CNTNAP5: variants seen among roughly 807,000 people sequenced by gnomAD.
The protein encoded by CNTNAP5 is contactin associated protein family member 5.
In CNTNAP5, 72 loss-of-function variants were observed where a neutral mutation model predicts 150.2. The observed-to-expected ratio is 0.48, with a 90% CI of 0.40 to 0.58. The LOEUF is 0.58. Ranked by LOEUF, CNTNAP5 falls within the 20% of genes least tolerant of loss-of-function variation. The pLI, the probability that CNTNAP5 is intolerant of heterozygous loss-of-function variation, is 0.00. For missense variants in CNTNAP5, 1,636 were observed against 1,626.2 expected (o/e 1.01, Z -0.10); for synonymous variants, 672 against 619.8 (o/e 1.08, Z -1.25).
At chr2:124,616,772 A>G (rs776659050) in intron 12 of CNTNAP5, among the ~76,000 whole-genome samples, 10 of 152,074 alleles carry the variant, frequency 6.6e-5, no homozygotes, top group Admixed American at 3.3e-4. Flanking sequence ...TGGGGTTACT[A>G]TTTGGCCTAA....
intron 21 of CNTNAP5, among the ~76,000 whole-genome samples, chr2:124,894,216 T>TG (rs1678258309): frequency 6.7e-6 from 1 of 148,160 alleles, no homozygotes; most frequent in African/African-American, 2.7e-5. Flanking sequence ...GTAGATAATA[T>TG]TAAGTCACTG....
intron 7 of CNTNAP5, among the ~76,000 whole-genome samples, chr2:124,500,008 C>T (rs1015887188): frequency 2.0e-5 from 3 of 151,696 alleles, no homozygotes; most frequent in Admixed American, 1.3e-4. Flanking sequence ...CCAGCCTGAA[C>T]GCTGGAGAAG....
At chr2:124,271,701 C>CT (rs200397448) in intron 3 of CNTNAP5, among the ~76,000 whole-genome samples, 35,191 of 113,342 alleles carry the variant, frequency 0.31, 4,741 homozygotes, top group East Asian at 0.47. Context: ...ATCTATCTAT[C>CT]ATCTATCTAT....
At chr2:124,162,381 C>T (rs376245362) in intron 1 of CNTNAP5, among the ~76,000 whole-genome samples, 1 of 152,122 alleles carries the variant, frequency 6.6e-6, no homozygotes, top group Non-Finnish European at 1.5e-5. Context: ...TCTTTACAGA[C>T]AGTAAATCAA....
chr2:124,660,043 A>AAAGGAAGG (rs60444454), intron 13 of CNTNAP5, among the ~76,000 whole-genome samples: 105 of 130,944 alleles, frequency 8.0e-4, no homozygotes, highest in African/African-American at 1.9e-3. Flanking sequence ...AGGAAGGAAG[A>AAAGGAAGG]AAGGAAGGAA....
intron 5 of CNTNAP5, 139 bp from the exon 6 acceptor site, chr2:124,446,614 C>T (rs1692822457): frequency 3.9e-6 from 3 of 766,516 alleles, no homozygotes; most frequent in South Asian, 4.0e-5. Context: ...TTCCCAGGTC[C>T]AGCACAGTTC....
intron 12 of CNTNAP5, among the ~76,000 whole-genome samples, chr2:124,641,078 A>T (rs1297547512): frequency 1.4e-5 from 2 of 144,030 alleles, no homozygotes; most frequent in East Asian, 4.3e-4. Context: ...GTGAGCCGAG[A>T]TTACGCCATT....
chr2:124,706,571 A>T (rs1573560280), intron 13 of CNTNAP5, among the ~76,000 whole-genome samples: 1 of 151,674 alleles, frequency 6.6e-6, no homozygotes, highest in Admixed American at 6.6e-5. Flanking sequence ...AAGTGGTGAA[A>T]CCCCATCTCT....
chr2:124,831,578 G>A (rs1176378949), intron 19 of CNTNAP5, among the ~76,000 whole-genome samples: 3 of 150,074 alleles, frequency 2.0e-5, no homozygotes, highest in African/African-American at 4.9e-5. Context: ...TAAATTCTTA[G>A]TAACCTTAAA....
At chr2:124,544,656 G>T (rs1307824976) in intron 10 of CNTNAP5, among the ~76,000 whole-genome samples, 3 of 152,176 alleles carry the variant, frequency 2.0e-5, no homozygotes, top group African/African-American at 7.2e-5. Context: ...CAAAATGTGT[G>T]ATACATTTAG....
intron 13 of CNTNAP5, among the ~76,000 whole-genome samples, chr2:124,663,166 C>T (rs950086527): frequency 6.6e-6 from 1 of 152,168 alleles, no homozygotes; most frequent in Admixed American, 6.5e-5. Context: ...TAGGATTACA[C>T]ACCAATCTAG....
At chr2:124,087,523 G>A (rs918407585) in intron 1 of CNTNAP5, among the ~76,000 whole-genome samples, 2 of 151,680 alleles carry the variant, frequency 1.3e-5, no homozygotes, top group Admixed American at 1.3e-4. Flanking sequence ...AGAGATTGAG[G>A]CCATCCTAGG....
chr2:124,551,949 G>A (rs1695638613), intron 10 of CNTNAP5, among the ~76,000 whole-genome samples: 1 of 151,982 alleles, frequency 6.6e-6, no homozygotes, highest in Admixed American at 6.6e-5. Flanking sequence ...TTTTTAAGAG[G>A]GGTAGGCATG....
intron 1 of CNTNAP5, among the ~76,000 whole-genome samples, chr2:124,139,571 C>A (rs959756737): frequency 6.6e-6 from 1 of 152,110 alleles, no homozygotes; most frequent in Non-Finnish European, 1.5e-5. Flanking sequence ...AAGCAGGATA[C>A]TTGCCACGTG....
At chr2:124,215,712 C>CAAAAA (rs397985759) in intron 1 of CNTNAP5, among the ~76,000 whole-genome samples, 595 of 80,936 alleles carry the variant, frequency 7.4e-3, no homozygotes, top group Middle Eastern at 0.04. Context: ...AGAAGAAAGG[C>CAAAAA]AAAAAAAAAA....
intron 4 of CNTNAP5, among the ~76,000 whole-genome samples, chr2:124,432,689 G>A (rs368290587): frequency 1.0e-3 from 157 of 152,164 alleles, no homozygotes; most frequent in African/African-American, 3.5e-3. Flanking sequence ...TGTGATGTAC[G>A]CACTCTGCAC....
At chr2:124,559,918 A>AT (rs1695849137) in intron 10 of CNTNAP5, among the ~76,000 whole-genome samples, 1 of 151,868 alleles carries the variant, frequency 6.6e-6, no homozygotes, top group Non-Finnish European at 1.5e-5. Context: ...ATTTATTATT[A>AT]TTTTTTCTTT....
chr2:124,037,591 A>C (rs76881490), intron 1 of CNTNAP5, among the ~76,000 whole-genome samples: 18,300 of 152,258 alleles, frequency 0.12, 1,175 homozygotes, highest in South Asian at 0.26. Flanking sequence ...ACAGAAAGAC[A>C]AATGCTACAC....
chr2:124,815,594 A>C (rs1190118904), intron 19 of CNTNAP5, among the ~76,000 whole-genome samples: 1 of 152,196 alleles, frequency 6.6e-6, no homozygotes, highest in African/African-American at 2.4e-5. Flanking sequence ...TGTTGTAATG[A>C]TATTGACTTA....
Sources: allele counts gnomAD v4.1 joint callset (sites outside exome capture counted in the v4.1 genomes callset), GRCh38; gene constraint gnomAD v4.1.1; transcripts MANE v1.5; gene names NCBI Gene and HGNC (gene_info 2026-07-23, HGNC 2026-07-21).